Variants in TEX9 observed in about 807,000 individuals in gnomAD.
TEX9 encodes testis expressed 9.
A neutral mutation model predicts 59.6 loss-of-function variants in TEX9; 74 were observed. The observed-to-expected ratio is 1.24, with a 90% CI of 1.03 to 1.51. The LOEUF is 1.51. Among genes scored for constraint, TEX9 ranks in the 40% most tolerant of loss-of-function variants. The pLI is 0.00. For synonymous variants in TEX9, 186 were observed against 152.2 expected, an observed-to-expected ratio of 1.22 and a Z score of -1.64; for missense variants, 522 against 447.8, an observed-to-expected ratio of 1.17 and a Z score of -1.49.
upstream of TEX9, chr15:56,365,372 G>A (rs1488237786): frequency 6.5e-6 from 10 of 1,546,120 alleles, no homozygotes; most frequent in Non-Finnish European, 8.7e-6. Flanking sequence ...TAGGCGCCCG[G>A]GCGGGAGGCA....
intron 3 of TEX9, among the ~76,000 whole-genome samples, chr15:56,378,278 G>C (rs1019194313): frequency 9.2e-5 from 14 of 152,126 alleles, no homozygotes; most frequent in Non-Finnish European, 1.8e-4. Context: ...TTTTGGAATA[G>C]TTTGAGTTGG....
At chr15:56,382,945 C>T (rs1261382401) in intron 3 of TEX9, among the ~76,000 whole-genome samples, 3 of 152,094 alleles carry the variant, frequency 2.0e-5, no homozygotes, top group Admixed American at 6.5e-5. Context: ...GAGTCAAGCC[C>T]AGCACTAGGA....
At chr15:56,335,788 C>G (rs1398861649) in intron 1 of TEX9, among the ~76,000 whole-genome samples, 2 of 151,992 alleles carry the variant, frequency 1.3e-5, no homozygotes, top group African/African-American at 4.8e-5. Context: ...ACTATATACC[C>G]ACAAAAATTA....
At chr15:56,345,846 A>G (rs1450810157) in intron 1 of TEX9, among the ~76,000 whole-genome samples, 1 of 152,182 alleles carries the variant, frequency 6.6e-6, no homozygotes, top group Non-Finnish European at 1.5e-5. Context: ...GTGCTACTCT[A>G]AAGACATTCA....
intron 1 of TEX9, among the ~76,000 whole-genome samples, chr15:56,326,870 T>G (rs1489640736): frequency 1.3e-5 from 2 of 151,848 alleles, no homozygotes; most frequent in African/African-American, 4.8e-5. Context: ...TTGGATGGAG[T>G]ATTGGGTGGG....
rs1027083976 is a variant in TEX9, at chr15:56,383,950, A to G, written c.184-2A>G. 2.5e-6 allele frequency: 4 copies of G among 1,609,486 alleles called. No homozygotes were observed. The highest frequency in any genetic ancestry group is 1.7e-5 in the Admixed American group (1 of 59,442). On this transcript the variant is annotated splice_acceptor_variant, in intron 3 of 12. Coordinates refer to ENST00000352903, the Ensembl canonical transcript of TEX9. LOFTEE classifies it high-confidence loss of function. ...TATATTACCTATCTTTACTCATTTA[A>G]GAGAGATCGGCAAGAAGTACGATCT...
intron 1 of TEX9, among the ~76,000 whole-genome samples, chr15:56,246,311 G>C (rs2043856424): frequency 6.6e-6 from 1 of 152,210 alleles, no homozygotes; most frequent in African/African-American, 2.4e-5. Flanking sequence ...CCAGCAATGG[G>C]AGGGGTGGCA....
At chr15:56,353,578 C>A (rs543526539) in intron 1 of TEX9, among the ~76,000 whole-genome samples, 1 of 152,000 alleles carries the variant, frequency 6.6e-6, no homozygotes, top group South Asian at 2.1e-4. Context: ...TAATTTTTGA[C>A]CATGATTAAA....
At position 56,265,082 on chromosome 15, in the gene TEX9, A is replaced by G. The variant is rs1168134170; in HGVS notation, c.-107+20804A>G. Among the ~76,000 whole-genome samples, 3 of 150,880 alleles carry G rather than the reference A, an allele frequency of 2.0e-5. No homozygotes were observed. In the East Asian group the frequency reaches 5.8e-4, roughly 29 times the overall value. ...CAGTTTTTTGTGTACTAGCTCTTTC[A>G]CTTTTCCTTAAAAATTTTCTGCTTT... On this transcript the variant is annotated intron_variant, in intron 1 of 5. Coordinates refer to the TEX9 transcript ENST00000560827.
At chr15:56,384,199 TTTTCAAAATATTA>T (rs2047863515) in intron 4 of TEX9, among the ~76,000 whole-genome samples, 168 bp downstream of exon 4, 1 of 152,232 alleles carries the variant, frequency 6.6e-6, no homozygotes, top group South Asian at 2.1e-4. Context: ...TCTCATGTAA[TTTTCAAAATATTA>T]TTTTGAAATG....
At chr15:56,283,693 C>G (rs1487309433) in intron 1 of TEX9, among the ~76,000 whole-genome samples, 3 of 151,454 alleles carry the variant, frequency 2.0e-5, no homozygotes, top group African/African-American at 4.9e-5. Flanking sequence ...TAGAAGACAG[C>G]CAAAAAGTAA....
intron 9 of TEX9, among the ~76,000 whole-genome samples, chr15:56,400,991 T>C (rs548495025): frequency 1.3e-5 from 2 of 151,874 alleles, no homozygotes; most frequent in African/African-American, 4.8e-5. Flanking sequence ...GCATTAAACA[T>C]GGAAAGAAAC....
intron 9 of TEX9, among the ~76,000 whole-genome samples, chr15:56,400,840 TA>T (rs1283148595): frequency 1.3e-5 from 2 of 151,606 alleles, no homozygotes; most frequent in African/African-American, 4.8e-5. Context: ...TCAACATCCT[TA>T]AAGAATTTTC....
intron 9 of TEX9, among the ~76,000 whole-genome samples, chr15:56,407,730 C>A (rs1309859060): frequency 2.0e-5 from 3 of 152,060 alleles, no homozygotes; most frequent in Non-Finnish European, 4.4e-5. Flanking sequence ...GGTCTTTTTT[C>A]CTCAACTTTC....
chr15:56,327,697 G>A (rs2046050050), intron 1 of TEX9, among the ~76,000 whole-genome samples: 1 of 152,158 alleles, frequency 6.6e-6, no homozygotes, highest in Non-Finnish European at 1.5e-5. Flanking sequence ...GTTTGCGAGA[G>A]GGAGATTGCA....
chr15:56,442,707 AGAAG>A (rs1307920821), intron 12 of TEX9, among the ~76,000 whole-genome samples: 6 of 152,162 alleles, frequency 3.9e-5, no homozygotes, highest in Non-Finnish European at 7.4e-5. Context: ...GTGGACACAA[AGAAG>A]GAAAACAGAC....
Position 56,388,005 on chromosome 15 carries a change from C to G in TEX9, c.264-467C>G, listed in dbSNP as rs150189704. Reference sequence around the variant, plus strand: ...CCTGGCATATAAACTTTTAAATTGACTAGGCATAGAATATTGAACAAGGCA... The same window carrying G: ...CCTGGCATATAAACTTTTAAATTGAGTAGGCATAGAATATTGAACAAGGCA... On this transcript the variant is annotated intron_variant, in intron 4 of 12. Transcript: ENST00000352903. Among the ~76,000 whole-genome samples, 91 of 152,118 alleles carry G rather than the reference C, an allele frequency of 6.0e-4. 2 individuals carry two copies. Among genetic ancestry groups the G allele is most frequent in the Middle Eastern group, 3.4e-3 (1 of 294 alleles).
intron 1 of TEX9, among the ~76,000 whole-genome samples, chr15:56,357,043 C>T (rs564648652): frequency 6.6e-6 from 1 of 152,244 alleles, no homozygotes; most frequent in African/African-American, 2.4e-5. Flanking sequence ...GAGTCATCCT[C>T]AGGCTCACTG....
At chr15:56,291,367 T>G (rs1272683187) in intron 1 of TEX9, among the ~76,000 whole-genome samples, 1 of 152,206 alleles carries the variant, frequency 6.6e-6, no homozygotes, top group African/African-American at 2.4e-5. Flanking sequence ...TGGAGACCTC[T>G]TACTTGGTGG....
Sources: gnomAD v4.1 joint callset for allele counts (sites outside exome capture counted in the v4.1 genomes callset) on GRCh38, gnomAD v4.1.1 for gene constraint, MANE v1.5 for transcripts, NCBI Gene and HGNC (gene_info 2026-07-23, HGNC 2026-07-21) for gene names.